The following SEMA5A variants were observed in gnomAD, a reference collection of about 807,000 sequenced individuals.
The protein encoded by SEMA5A is semaphorin-5A.
In SEMA5A, 55 loss-of-function variants were observed where a neutral mutation model predicts 135.5. That is an observed-to-expected ratio of 0.41 (90% CI 0.33 to 0.51). The LOEUF (loss-of-function observed/expected upper bound fraction) is 0.51, where lower values mean the gene tolerates loss of function less well. Among genes scored for constraint, SEMA5A ranks in the 20% least tolerant of loss-of-function variants. The probability of loss-of-function intolerance (pLI) is 0.37; values close to 1 mark genes in which losing one functional copy is unlikely to be tolerated. For missense variants in SEMA5A, 1,290 were observed against 1,419.9 expected, an observed-to-expected ratio of 0.91 and a Z score of 1.47; for synonymous variants, 580 against 546.5, an observed-to-expected ratio of 1.06 and a Z score of -0.85.
chr5:9,526,764 A>G (rs1737147438), intron 1 of SEMA5A, among the ~76,000 whole-genome samples: 1 of 152,150 alleles, frequency 6.6e-6, no homozygotes. Flanking sequence ...GATGCTGGAA[A>G]TTGCCTTAGC....
At chr5:9,096,700 A>G (rs927686922) in intron 16 of SEMA5A, among the ~76,000 whole-genome samples, 11 of 152,150 alleles carry the variant, frequency 7.2e-5, no homozygotes, top group African/African-American at 2.4e-4. Context: ...TATACATCAG[A>G]TAAGGGATTA....
chr5:9,318,210 G>C (rs1046077376), intron 5 of SEMA5A, among the ~76,000 whole-genome samples, 162 bp downstream of exon 5: 1 of 152,160 alleles, frequency 6.6e-6, no homozygotes, highest in Non-Finnish European at 1.5e-5. Context: ...GTAATGACTC[G>C]TAACAAGTAG....
At chr5:9,188,822 C>T (rs1409355312) in intron 11 of SEMA5A, among the ~76,000 whole-genome samples, 2 of 152,232 alleles carry the variant, frequency 1.3e-5, no homozygotes, top group Non-Finnish European at 2.9e-5. Flanking sequence ...CTTTCCTTGA[C>T]CTCCCATCCC....
At chr5:9,063,374 A>G (rs2080918365) in intron 17 of SEMA5A, among the ~76,000 whole-genome samples, 1 of 152,160 alleles carries the variant, frequency 6.6e-6, no homozygotes, top group Admixed American at 6.5e-5. Context: ...TAAATAATAG[A>G]TTCTATATAG....
intron 8 of SEMA5A, among the ~76,000 whole-genome samples, chr5:9,215,172 C>T (rs191354969): frequency 7.2e-5 from 11 of 152,296 alleles, no homozygotes; most frequent in African/African-American, 2.6e-4. Flanking sequence ...GAAGACAACG[C>T]CATCTGCTAA....
intron 1 of SEMA5A, among the ~76,000 whole-genome samples, chr5:9,524,086 G>T (rs763073903): frequency 7.2e-5 from 11 of 152,144 alleles, no homozygotes; most frequent in Admixed American, 1.3e-4. Context: ...TCCCCCTAGT[G>T]CAGTGTTGTG....
At chr5:9,259,307 T>C (rs1394649309) in intron 5 of SEMA5A, among the ~76,000 whole-genome samples, 1 of 152,236 alleles carries the variant, frequency 6.6e-6, no homozygotes, top group Non-Finnish European at 1.5e-5. Context: ...GAAATTATTC[T>C]TCACTTTGGG....
At chr5:9,137,638 C>T (rs559331675) in intron 12 of SEMA5A, among the ~76,000 whole-genome samples, 39 of 152,184 alleles carry the variant, frequency 2.6e-4, no homozygotes, top group Admixed American at 8.5e-4. Flanking sequence ...GCCAATGACC[C>T]CTCTTAGAGG....
chr5:9,542,500 C>T (rs960007010), intron 1 of SEMA5A, among the ~76,000 whole-genome samples: 14 of 152,172 alleles, frequency 9.2e-5, no homozygotes, highest in Admixed American at 4.6e-4. Flanking sequence ...ATGTACAATG[C>T]TTCACTTTAG....
intron 11 of SEMA5A, among the ~76,000 whole-genome samples, chr5:9,176,182 G>A (rs1226671665): frequency 1.3e-5 from 2 of 152,204 alleles, no homozygotes; most frequent in Non-Finnish European, 1.5e-5. Flanking sequence ...CTAAAGGGAA[G>A]ACTGGGCCTC....
At chr5:9,450,204 G>T (rs1369756354) in intron 1 of SEMA5A, among the ~76,000 whole-genome samples, 1 of 152,198 alleles carries the variant, frequency 6.6e-6, no homozygotes, top group Non-Finnish European at 1.5e-5. Flanking sequence ...TTCCAGAGGA[G>T]AAGGGCTGCT....
At chr5:9,235,151 C>T (rs1189822019) in intron 6 of SEMA5A, among the ~76,000 whole-genome samples, 1 of 152,180 alleles carries the variant, frequency 6.6e-6, no homozygotes, top group African/African-American at 2.4e-5. Context: ...ATGATGGAAT[C>T]TGATGCTTTG....
At position 9,044,561 on chromosome 5, in the gene SEMA5A, C is replaced by A; in HGVS notation, c.2917G>T (p.Ala973Ser). The change falls in exon 22 of 23, where the codon GCC becomes TCC. Residue 973 changes from alanine (A) to serine (S), a missense_variant. By Grantham distance (99) the Ala-to-Ser change is moderately conservative. Transcript: ENST00000382496. Reference sequence around the variant, plus strand: ...AGGATGGAGCTGCTCAGCCCCACGGCGATCATGTGGAACATGTTGAACTCT... The same window carrying A: ...AGGATGGAGCTGCTCAGCCCCACGGAGATCATGTGGAACATGTTGAACTCT... ...CGEFNMFHMI[A>S]VGLSSSILGC... The A allele has an allele frequency of 6.2e-7, 1 of 1,613,842 alleles. No individual in the cohort carries two copies. Among genetic ancestry groups the A allele is most frequent in the East Asian group, 2.2e-5 (1 of 44,868 alleles).
chr5:9,471,746 A>G (rs1326994974), intron 1 of SEMA5A, among the ~76,000 whole-genome samples: 3 of 152,200 alleles, frequency 2.0e-5, no homozygotes, highest in African/African-American at 7.2e-5. Flanking sequence ...GTCTGCATGT[A>G]CCCCTTTTAA....
intron 5 of SEMA5A, among the ~76,000 whole-genome samples, chr5:9,285,193 A>G (rs1248844281): frequency 6.6e-6 from 1 of 152,180 alleles, no homozygotes; most frequent in East Asian, 1.9e-4. Context: ...TCTACTCTAC[A>G]AATGATTTCT....
chr5:9,407,399 G>A (rs1488861637), intron 2 of SEMA5A, among the ~76,000 whole-genome samples: 2 of 152,152 alleles, frequency 1.3e-5, no homozygotes, highest in Non-Finnish European at 2.9e-5. Flanking sequence ...AATGAAACAT[G>A]GGTTTCAAAA....
intron 18 of SEMA5A, among the ~76,000 whole-genome samples, chr5:9,056,223 G>C (rs75970225): frequency 6.6e-6 from 1 of 152,186 alleles, no homozygotes; most frequent in African/African-American, 2.4e-5. Flanking sequence ...TGTGTGAAAA[G>C]ATGCTCAGCA....
chr5:9,511,871 A>T (rs887790973), intron 1 of SEMA5A: 9 of 152,340 alleles, frequency 5.9e-5, no homozygotes, highest in African/African-American at 2.2e-4. Context: ...TCCTGTTAAC[A>T]ACTAGAAAAC....
At chr5:9,185,729 T>C (rs894779693) in intron 11 of SEMA5A, among the ~76,000 whole-genome samples, 1 of 152,260 alleles carries the variant, frequency 6.6e-6, no homozygotes, top group African/African-American at 2.4e-5. Context: ...AAGGTTCAAA[T>C]GCTTTTCTAA....
Sources: gnomAD v4.1 joint callset for allele counts (sites outside exome capture counted in the v4.1 genomes callset) on GRCh38, gnomAD v4.1.1 for gene constraint, MANE v1.5 for transcripts, NCBI Gene and HGNC (gene_info 2026-07-23, HGNC 2026-07-21) for gene names.